SLX4: variants seen among roughly 807,000 people sequenced by gnomAD.
SLX4 encodes SLX4 structure-specific endonuclease subunit, also known as structure-specific endonuclease subunit SLX4.
Under a neutral mutation model 146.2 loss-of-function variants are expected in SLX4, and 112 were observed. The ratio of observed to expected loss-of-function variants is 0.77; its 90% CI spans 0.66 to 0.90. The LOEUF is 0.90. Among genes scored for constraint, SLX4 ranks in the 40% least tolerant of loss-of-function variants. The probability of loss-of-function intolerance (pLI) is 0.00; values close to 1 mark genes in which losing one functional copy is unlikely to be tolerated. For missense variants in SLX4, 2,563 were observed against 2,392.7 expected (o/e 1.07, Z -1.49); for synonymous variants, 1,061 against 997.7 (o/e 1.06, Z -1.20).
Position 3,589,569 on chromosome 16 carries a change from G to T in SLX4, c.4069C>A (p.Leu1357Met), listed in dbSNP as rs775694333. Residue 1357 changes from leucine (L) to methionine (M), a missense_variant, in exon 12 of 15, where the codon CTG (leucine) becomes ATG (methionine). Physicochemically the swap from Leu to Met is conservative, Grantham distance 15 (BLOSUM62 2). Coordinates refer to ENST00000294008, the MANE Select transcript of SLX4 (RefSeq NM_032444.4). The surrounding 1 kb of genome is among the most constrained non-coding windows in gnomAD (Gnocchi z 6.2). ...TCCCCTGAGATGGGATGTGGAGCCAGCGGAGAGGAGTGCGGGTGGCCCCCG... is the reference window on the plus strand; with the variant it reads ...TCCCCTGAGATGGGATGTGGAGCCATCGGAGAGGAGTGCGGGTGGCCCCCG... ...HPGGHPHSSP[L>M]APHPISGDRA... 12 of 1,613,114 alleles carry T rather than the reference G, an allele frequency of 7.4e-6. No homozygotes were observed. In the South Asian group the frequency reaches 9.9e-5, roughly 13 times the overall value.
intron 5 of SLX4, among the ~76,000 whole-genome samples, chr16:3,599,636 G>T (rs1475708462): frequency 6.6e-6 from 1 of 152,198 alleles, no homozygotes; most frequent in Non-Finnish European, 1.5e-5. Flanking sequence ...GCCCAGGCTG[G>T]AGTGCAGTGG....
At chr16:3,599,181 G>A (rs2040700298) in intron 5 of SLX4, among the ~76,000 whole-genome samples, 1 of 152,224 alleles carries the variant, frequency 6.6e-6, no homozygotes, top group Non-Finnish European at 1.5e-5. Context: ...CCCCTGCCAT[G>A]CTAAATACAG....
At chr16:3,596,967 T>G (rs2151130736) in intron 7 of SLX4, among the ~76,000 whole-genome samples, 1 of 152,214 alleles carries the variant, frequency 6.6e-6, no homozygotes, top group Admixed American at 6.5e-5. Context: ...GGATTACAGG[T>G]GTGTGCCACC....
rs746246825 is a variant in SLX4, at chr16:3,592,738, G to A, written c.2288C>T (p.Pro763Leu). ...GCTCAGCTCAGAGCTAAGGCCAGGA[G>A]GAAGGCCAGTGTCCGCAGTGTAGAG... ...HYLYTADTGL[P>L]PGLSSELSSL... The change falls in exon 11 of 15, where the codon CCT (proline) becomes CTT (leucine). Residue 763 changes from proline (P) to leucine (L), a missense_variant. By Grantham distance (98) the Pro-to-Leu change is moderately conservative. Transcript: ENST00000294008. The A allele has an allele frequency of 6.2e-7, 1 of 1,613,466 alleles. No individual in the cohort carries two copies. The highest frequency in any genetic ancestry group is 8.5e-7 in the Non-Finnish European group (1 of 1,180,020).
intron 11 of SLX4, among the ~76,000 whole-genome samples, chr16:3,592,098 G>C (rs1046593809): frequency 1.3e-5 from 2 of 152,260 alleles, no homozygotes; most frequent in Admixed American, 6.5e-5. Flanking sequence ...CCACCTGCTT[G>C]AAGGCTCTGT....
chr16:3,595,570 G>A (rs1021941353), intron 9 of SLX4, 35 bp downstream of exon 9: 16 of 1,610,402 alleles, frequency 9.9e-6, no homozygotes, highest in Admixed American at 3.3e-5. Context: ...TGGGATGGCC[G>A]GGACCAGAGA....
chr16:3,606,524 C>G lies in SLX4; in HGVS notation c.710G>C (p.Arg237Pro). ...AGGATCCTTTGGGACATTTTCTTCC[C>G]GCGCAGCCTCGAGGGAGCACTCTTC... ...ASEECSLEAA[R>P]EENVPKDPQE... is the part of the protein sequence containing the mutation. Residue 237 changes from arginine to proline, a missense_variant, in exon 3 of 15, where the codon CGG becomes CCG. Physicochemically the swap from Arg to Pro is moderately radical, Grantham distance 103. Transcript: ENST00000294008. The G allele has an allele frequency of 6.2e-7, 1 of 1,614,178 alleles. No homozygotes were observed. The highest frequency in any genetic ancestry group is 1.1e-5 in the South Asian group (1 of 91,082).
Position 3,594,496 on chromosome 16 carries a change from T to G in SLX4, c.2117A>C (p.His706Pro). 6.2e-7 allele frequency: 1 copy of G among 1,614,090 alleles called. No individual in the cohort carries two copies. Among genetic ancestry groups the G allele is most frequent in the Non-Finnish European group, 8.5e-7 (1 of 1,180,016 alleles). ...QTDSGEVLYA[H>P]KFVLYARCPL... ...GCATCGGGCATAAAGCACGAACTTG[T>G]GGGCGTAAAGCACCTCCCCGCTGTC... The change falls in exon 10 of 15, where the codon CAC (histidine) becomes CCC (proline). Residue 706 changes from histidine to proline, a missense_variant. Coordinates refer to ENST00000294008, the MANE Select transcript of SLX4 (RefSeq NM_032444.4).
rs2040816588 is a variant in SLX4 at position 3,608,862 on chromosome 16, G to A, written c.103C>T (p.Pro35Ser). The A allele has an allele frequency of 6.2e-7, 1 of 1,614,110 alleles. No homozygotes were observed. Among genetic ancestry groups the A allele is most frequent in the South Asian group, 1.1e-5 (1 of 91,080 alleles). Residue 35 changes from proline to serine, a missense_variant, in exon 2 of 15, where the codon CCT becomes TCT. Physicochemically the swap from Pro to Ser is moderately conservative, Grantham distance 74. Coordinates refer to ENST00000294008, the MANE Select transcript of SLX4 (RefSeq NM_032444.4). ...ATCTGACCAGTTTTAAGGCTTTCAG[G>A]CTGGTCTTCAGAGGAGCGAGGGTCA... is the stretch of plus-strand genomic sequence containing the variant. ...GIDPRSSEDQ[P>S]ESLKTGQMMD...
In SLX4 at chr16:3,582,443, C is replaced by A. The variant is rs760435859; in HGVS notation, c.5404G>T (p.Asp1802Tyr). 3.7e-6 allele frequency: 6 copies of A among 1,613,942 alleles called. No individual in the cohort carries two copies. The highest frequency in any genetic ancestry group is 5.1e-6 in the Non-Finnish European group (6 of 1,180,030). ...VSSRRLLDFLDTHCITFTTAA... is the reference protein window; with the variant it reads ...VSSRRLLDFLYTHCITFTTAA... ...GTGGTGAAGGTGATACAGTGGGTGT[C>A]CAGGAAGTCCAACAGCCTGCGCGAG... The change falls in exon 15 of 15, where the codon GAC (aspartate) becomes TAC (tyrosine). Residue 1802 changes from aspartate (D) to tyrosine (Y), a missense_variant. Transcript: ENST00000294008.
Position 3,589,858 on chromosome 16 carries a change from G to C in SLX4, c.3780C>G (p.Thr1260=). ...TTDTSWLVPA[T]PLASRSRDCS... is the part of the protein sequence containing the mutation. The stretch of plus-strand genomic sequence containing the variant: ...AGTCACGGCTTCTGCTGGCCAGCGG[G>C]GTGGCGGGCACCAGCCACGAGGTGT... Residue 1260 remains threonine, a synonymous_variant, in exon 12 of 15, where the codon ACC becomes ACG. Transcript: ENST00000294008. This position sits in a 1 kb window ranked among gnomAD's most constrained non-coding sequence, Gnocchi z 6.2. The C allele has an allele frequency of 6.2e-7, 1 of 1,613,480 alleles. No homozygotes were observed. The highest frequency in any genetic ancestry group is 8.5e-7 in the Non-Finnish European group (1 of 1,180,008).
intron 5 of SLX4, among the ~76,000 whole-genome samples, chr16:3,598,376 C>CTCCTTACACGG (rs2040689847): frequency 1.3e-5 from 2 of 152,344 alleles, no homozygotes; most frequent in South Asian, 4.1e-4. Flanking sequence ...ACTTCCGATG[C>CTCCTTACACGG]TCCTTACACG....
rs748090102 is a variant in SLX4, at chr16:3,590,167, C to T, written c.3471G>A (p.Ser1157=). The change falls in exon 12 of 15, where the codon TCG becomes TCA. Residue 1157 remains serine, a synonymous_variant. Coordinates refer to ENST00000294008, the MANE Select transcript of SLX4 (RefSeq NM_032444.4). This position sits in a 1 kb window ranked among gnomAD's most constrained non-coding sequence, Gnocchi z 4.8. ...EEDEVILLLD[S]DEELELEQTK... The stretch of plus-strand genomic sequence containing the variant: ...TTTGTTCTAGCTCCAGCTCCTCATC[C>T]GAGTCCAGTAAGAGGATGACCTCAT... 32 of 1,614,164 alleles carry T rather than the reference C, an allele frequency of 2.0e-5. No individual in the cohort carries two copies. Among genetic ancestry groups the T allele is most frequent in the Admixed American group, 3.3e-5 (2 of 60,022 alleles).
Position 3,609,153 on chromosome 16 carries a change from C to A in SLX4, c.-189G>T. 1 of 630,444 alleles carries A rather than the reference C, an allele frequency of 1.6e-6. No individual in the cohort carries two copies. Among genetic ancestry groups the A allele is most frequent in the Admixed American group, 2.7e-5 (1 of 37,184 alleles). 39.1% of individuals were successfully genotyped at this position (630,444 alleles called of 1,614,324 possible). A position where few individuals can be genotyped will look rare whatever the true frequency, so the allele number is the denominator to read the frequency against. On this transcript the variant is annotated 5_prime_UTR_variant, in exon 2 of 15. Coordinates refer to ENST00000294008, the MANE Select transcript of SLX4 (RefSeq NM_032444.4). The stretch of plus-strand genomic sequence containing the variant: ...GCGCGGTGGCTCACACTTGTAATCC[C>A]AGCTCTTTTGGAGGACGAGGCGGGG...
Position 3,606,566 on chromosome 16 carries a change from C to T in SLX4, c.668G>A (p.Arg223His), listed in dbSNP as rs762475814. 7.6e-5 allele frequency: 122 copies of T among 1,614,062 alleles called. No homozygotes were observed. Among genetic ancestry groups the T allele is most frequent in the Non-Finnish European group, 9.7e-5 (115 of 1,180,034 alleles). The change falls in exon 3 of 15, where the codon CGT (arginine) becomes CAT (histidine). Residue 223 changes from arginine (R) to histidine (H), a missense_variant. Physicochemically the swap from Arg to His is conservative, Grantham distance 29 (BLOSUM62 0). Transcript: ENST00000294008. ...MQQFKRADPERLRHASEECSL... is the reference protein window; with the variant it reads ...MQQFKRADPEHLRHASEECSL... ...GCACTCTTCTGAAGCGTGTCTCAAA[C>T]GCTCGGGGTCTGCTCTCTTGAACTG...
Position 3,589,596 on chromosome 16 carries a change from G to C in SLX4, c.4042C>G (p.Pro1348Ala), listed in dbSNP as rs2040553994. ...QGHRSPSRPH[P>A]GGHPHSSPLA... ...GGAGAGGAGTGCGGGTGGCCCCCGG[G>C]GTGGGGACGGGAAGGGCTTCTGTGG... is the stretch of plus-strand genomic sequence containing the variant. Residue 1348 changes from proline to alanine, a missense_variant, in exon 12 of 15, where the codon CCC becomes GCC. Coordinates refer to ENST00000294008, the MANE Select transcript of SLX4 (RefSeq NM_032444.4). The surrounding 1 kb of genome is among the most constrained non-coding windows in gnomAD (Gnocchi z 6.2). The C allele has an allele frequency of 2.5e-6, 4 of 1,613,584 alleles. No individual in the cohort carries two copies. The highest frequency in any genetic ancestry group is 3.4e-6 in the Non-Finnish European group (4 of 1,179,962).
At chr16:3,603,490 G>C (rs1466097583) in intron 3 of SLX4, among the ~76,000 whole-genome samples, 1 of 152,212 alleles carries the variant, frequency 6.6e-6, no homozygotes, top group Non-Finnish European at 1.5e-5. Context: ...TCACATGTGC[G>C]TCCAGGACTG....
chr16:3,610,075 T>A (rs1361292951), intron 1 of SLX4, among the ~76,000 whole-genome samples: 1 of 152,246 alleles, frequency 6.6e-6, no homozygotes, highest in East Asian at 1.9e-4. Context: ...GAATGTCGCC[T>A]GTGTGCAAAG....
chr16:3,589,579 G>A lies in SLX4; in HGVS notation c.4059C>T (p.His1353=), dbSNP rs148695476. The change falls in exon 12 of 15, where the codon CAC becomes CAT. Residue 1353 remains histidine (H), a synonymous_variant. Transcript: ENST00000294008. This position sits in a 1 kb window ranked among gnomAD's most constrained non-coding sequence, Gnocchi z 6.2. ...TGGGATGTGGAGCCAGCGGAGAGGA[G>A]TGCGGGTGGCCCCCGGGGTGGGGAC... ...PSRPHPGGHP[H]SSPLAPHPIS... is the part of the protein sequence containing the mutation. 7 of 1,613,240 alleles carry A rather than the reference G, an allele frequency of 4.3e-6. No homozygotes were observed. The African/African-American group carries it at 5.3e-5, about 12-fold the overall frequency.
Sources: allele counts gnomAD v4.1 joint callset (sites outside exome capture counted in the v4.1 genomes callset), GRCh38; gene constraint gnomAD v4.1.1; non-coding constraint Gnocchi (gnomAD v3.1); transcripts MANE v1.5; gene names NCBI Gene and HGNC (gene_info 2026-07-23, HGNC 2026-07-21).